Variants in TK2 observed in about 807,000 individuals in gnomAD.
The protein encoded by TK2 is thymidine kinase 2, mitochondrial.
A neutral mutation model predicts 41.9 loss-of-function variants in TK2; 35 were observed. The observed-to-expected ratio is 0.84, with a 90% CI of 0.64 to 1.11. The LOEUF (loss-of-function observed/expected upper bound fraction) is 1.11, where lower values mean the gene tolerates loss of function less well. Ranked by LOEUF, TK2 falls within the 50% of genes least tolerant of loss-of-function variation. TK2 has a pLI of 0.00. For synonymous variants in TK2, 128 were observed against 129.1 expected, an observed-to-expected ratio of 0.99 and a Z score of 0.06; for missense variants, 320 against 351.1, an observed-to-expected ratio of 0.91 and a Z score of 0.71.
intron 2 of TK2, among the ~76,000 whole-genome samples, chr16:66,546,007 T>C (rs756358931): frequency 3.9e-5 from 6 of 152,088 alleles, no homozygotes; most frequent in Non-Finnish European, 7.4e-5. Context: ...TTTGGAGTAA[T>C]GGAAATGTTA....
At chr16:66,538,074 A>C (rs1457578217) in intron 3 of TK2, among the ~76,000 whole-genome samples, 3 of 152,072 alleles carry the variant, frequency 2.0e-5, no homozygotes, top group Non-Finnish European at 4.4e-5. Flanking sequence ...GAGGCAGGAG[A>C]ATCACTTGAA....
chr16:66,522,516 T>C (rs139666813), intron 6 of TK2, among the ~76,000 whole-genome samples: 3 of 152,348 alleles, frequency 2.0e-5, no homozygotes, highest in Non-Finnish European at 4.4e-5. Flanking sequence ...TTTAGCTACA[T>C]GAATCTTGCT....
chr16:66,530,753 T>C (rs1205100579), intron 5 of TK2, among the ~76,000 whole-genome samples: 1 of 151,506 alleles, frequency 6.6e-6, no homozygotes, highest in African/African-American at 2.4e-5. Flanking sequence ...AGTCTCACTC[T>C]GTCACCCAGG....
intron 2 of TK2, among the ~76,000 whole-genome samples, chr16:66,544,649 T>C (rs1462496622): frequency 6.6e-6 from 1 of 152,236 alleles, no homozygotes; most frequent in Non-Finnish European, 1.5e-5. Flanking sequence ...CGCTACAATT[T>C]ATCTCCATTT....
At chr16:66,542,357 C>T (rs547414735) in intron 2 of TK2, among the ~76,000 whole-genome samples, 2 of 151,902 alleles carry the variant, frequency 1.3e-5, no homozygotes, top group African/African-American at 4.8e-5. Context: ...TATCTAGAAT[C>T]GAATTCACTG....
rs1597074103 is a variant in TK2, at chr16:66,513,793, G to A, written c.637C>T (p.His213Tyr). 6.2e-7 allele frequency: 1 copy of A among 1,614,034 alleles called. No homozygotes were observed. Among genetic ancestry groups the A allele is most frequent in the Non-Finnish European group, 8.5e-7 (1 of 1,180,018 alleles). Residue 213 changes from histidine to tyrosine, a missense_variant, in exon 9 of 10, where the codon CAC (histidine) becomes TAC (tyrosine). His to Tyr is a moderately conservative substitution (Grantham distance 83). Transcript: ENST00000544898. ...VIPLEYLEAI[H>Y]HLHEEWLIKG... ...ATGAGCCACTCCTCATGGAGATGGT[G>A]AATTGCTTCCAGGTATTCCTGCCAG...
chr16:66,514,540 C>G lies in TK2; in HGVS notation c.619-729G>C, dbSNP rs910010594. 2.6e-5 allele frequency among the ~76,000 whole-genome samples: 4 copies of G among 152,170 alleles called. No homozygotes were observed. Among genetic ancestry groups the G allele is most frequent in the Admixed American group, 6.5e-5 (1 of 15,274 alleles). On this transcript the variant is annotated intron_variant, in intron 8 of 9. Transcript: ENST00000544898. This position sits in a 1 kb window ranked among gnomAD's most constrained non-coding sequence, Gnocchi z 4.2. ...GATTGCAGCCTCTGCCCGGCTGCCACCCCGTCTAGGAAGTGAGGAGTGTCT... is the reference window on the plus strand; with the variant it reads ...GATTGCAGCCTCTGCCCGGCTGCCAGCCCGTCTAGGAAGTGAGGAGTGTCT...
Position 66,511,760 on chromosome 16 carries a change from T to C in TK2, c.*208A>G. 1 of 629,446 alleles carries C rather than the reference T, an allele frequency of 1.6e-6. No homozygotes were observed. Among genetic ancestry groups the C allele is most frequent in the East Asian group, 2.8e-5 (1 of 35,668 alleles). 39.0% of individuals were successfully genotyped at this position (629,446 alleles called of 1,614,324 possible). ...TGTGAGGCTGCGAACAGCAAAGGGC[T>C]TGGCAAACCCATTGGTCCCGTTTGT... On this transcript the variant is annotated 3_prime_UTR_variant, in exon 10 of 10. Transcript: ENST00000544898.
At position 66,517,293 on chromosome 16, in the gene TK2, G is replaced by A. The variant is rs1964644361; in HGVS notation, c.539-78C>T. 4.8e-6 allele frequency: 6 copies of A among 1,262,340 alleles called. No individual in the cohort carries two copies. Among genetic ancestry groups the A allele is most frequent in the Non-Finnish European group, 4.7e-6 (4 of 859,692 alleles). 78.2% of individuals were successfully genotyped at this position (1,262,340 alleles called of 1,614,324 possible). On this transcript the variant is annotated intron_variant, in intron 7 of 9. Transcript: ENST00000544898. The surrounding 1 kb of genome is among the most constrained non-coding windows in gnomAD (Gnocchi z 4.3). ...AAAGCAGGCACACAGGCAAAGGCGG[G>A]AGGAAGGTCTGCACAGCTCGAGCAG...
intron 4 of TK2, among the ~76,000 whole-genome samples, chr16:66,532,560 G>A (rs55956851): frequency 7.9e-5 from 12 of 151,306 alleles, no homozygotes; most frequent in South Asian, 2.1e-4. Flanking sequence ...GGCCGAGATC[G>A]TACCACTGTA....
Position 66,516,437 on chromosome 16 carries a change from G to C in TK2, c.618+699C>G, listed in dbSNP as rs975784681. 5.9e-5 allele frequency among the ~76,000 whole-genome samples: 9 copies of C among 152,216 alleles called. No homozygotes were observed. The South Asian group carries it at 1.9e-3, about 32-fold the overall frequency. ...GTCATAAGCCGTATTACAAAGTGGG[G>C]ACTGCATTCTAGCCAGCAGCAAGGC... On this transcript the variant is annotated intron_variant, in intron 8 of 9. Transcript: ENST00000544898.
At chr16:66,549,469 C>A in intron 1 of TK2, 1 of 1,042,844 alleles carries the variant, frequency 9.6e-7, no homozygotes, top group Non-Finnish European at 1.2e-6. Flanking sequence ...AGCCATATGG[C>A]GGACACCAGA....
intron 2 of TK2, chr16:66,547,928 T>G: frequency 7.8e-7 from 1 of 1,286,392 alleles, no homozygotes; most frequent in Non-Finnish European, 1.0e-6. Context: ...CTCACATCAA[T>G]GCTAGCTCAA....
Position 66,517,973 on chromosome 16 carries a change from G to T in TK2, c.450-96C>A, listed in dbSNP as rs758539674. The T allele has an allele frequency of 1.0e-6, 1 of 987,856 alleles. No individual in the cohort carries two copies. 61.2% of individuals were successfully genotyped at this position (987,856 alleles called of 1,614,324 possible). A position where few individuals can be genotyped will look rare whatever the true frequency, so the allele number is the denominator to read the frequency against. ...ATCTTGAGACGGCTCTCAATGAAAG[G>T]AGTCACCAAGGGTACCAGGGCACAG... On this transcript the variant is annotated intron_variant, in intron 6 of 9. Coordinates refer to ENST00000544898, the MANE Select transcript of TK2 (RefSeq NM_004614.5). This position sits in a 1 kb window ranked among gnomAD's most constrained non-coding sequence, Gnocchi z 4.3.
Position 66,550,115 on chromosome 16 carries a change from G to A in TK2, c.-54C>T. The stretch of plus-strand genomic sequence containing the variant: ...GGTTCCTTCTTGTGCGAGTCGGCGC[G>A]GACGACTGCTAGTCCAGCCGTTGGG... On this transcript the variant is annotated 5_prime_UTR_variant, in exon 1 of 10. Transcript: ENST00000544898. 3 of 1,610,830 alleles carry A rather than the reference G, an allele frequency of 1.9e-6. No individual in the cohort carries two copies. The highest frequency in any genetic ancestry group is 2.2e-5 in the East Asian group (1 of 44,808).
chr16:66,510,931 T>C lies in TK2; in HGVS notation c.*1037A>G, dbSNP rs895693340. 5.9e-5 allele frequency: 9 copies of C among 152,178 alleles called. No individual in the cohort carries two copies. Among genetic ancestry groups the C allele is most frequent in the African/African-American group, 2.2e-4 (9 of 41,444 alleles). 9.4% of individuals were successfully genotyped at this position (152,178 alleles called of 1,614,324 possible). Reference sequence around the variant, plus strand: ...TTTCAGGCTCTATGGCTCGAGGCATTTCCCTGGATGAAATAACACTTCAAA... The same window carrying C: ...TTTCAGGCTCTATGGCTCGAGGCATCTCCCTGGATGAAATAACACTTCAAA... On this transcript the variant is annotated 3_prime_UTR_variant, in exon 10 of 10. Coordinates refer to ENST00000544898, the MANE Select transcript of TK2 (RefSeq NM_004614.5).
intron 6 of TK2, among the ~76,000 whole-genome samples, chr16:66,528,198 G>A (rs951158809): frequency 2.2e-4 from 33 of 152,280 alleles, no homozygotes; most frequent in African/African-American, 7.5e-4. Context: ...ACAGCTCTGC[G>A]AGGGAAGGAC....
intron 9 of TK2, 129 bp from the exon 10 acceptor site, chr16:66,512,195 A>G: frequency 1.2e-6 from 1 of 836,986 alleles, no homozygotes; most frequent in South Asian, 1.4e-5. Context: ...GCAGGCAGAT[A>G]AAAAGGAAGG....
Position 66,514,482 on chromosome 16 carries a change from C to T in TK2, c.619-671G>A, listed in dbSNP as rs1362982994. Among the ~76,000 whole-genome samples the T allele has an allele frequency of 7.2e-5, 11 of 152,224 alleles. No individual in the cohort carries two copies. Among genetic ancestry groups the T allele is most frequent in the Admixed American group, 7.2e-4 (11 of 15,278 alleles). Reference sequence around the variant, plus strand: ...CTCGGCTCGCTACAACCTCCACCTCCCAGCCGCCTGCCTTGGCCTCCCAAA... The same window carrying T: ...CTCGGCTCGCTACAACCTCCACCTCTCAGCCGCCTGCCTTGGCCTCCCAAA... On this transcript the variant is annotated intron_variant, in intron 8 of 9. Transcript: ENST00000544898. The surrounding 1 kb of genome is among the most constrained non-coding windows in gnomAD (Gnocchi z 4.2).
Sources: gnomAD v4.1 joint callset for allele counts (sites outside exome capture counted in the v4.1 genomes callset) on GRCh38, gnomAD v4.1.1 for gene constraint, Gnocchi (gnomAD v3.1) non-coding constraint, MANE v1.5 for transcripts, NCBI Gene and HGNC (gene_info 2026-07-23, HGNC 2026-07-21) for gene names.